Variants in MSRB2 observed in about 807,000 individuals in gnomAD.
The protein encoded by MSRB2 is methionine-R-sulfoxide reductase B2, mitochondrial.
Under a neutral mutation model 19.0 loss-of-function variants are expected in MSRB2, and 17 were observed. The observed-to-expected ratio is 0.89, with a 90% CI of 0.61 to 1.34. The LOEUF (loss-of-function observed/expected upper bound fraction) is 1.34. MSRB2 is among the 40% of genes most tolerant of loss of function. The pLI is 0.00. For missense variants in MSRB2, 208 were observed against 237.6 expected (o/e 0.88, Z 0.82); for synonymous variants, 107 against 99.7 (o/e 1.07, Z -0.44).
At chr10:23,107,881 C>T (rs963007431) in intron 2 of MSRB2, among the ~76,000 whole-genome samples, 1 of 151,974 alleles carries the variant, frequency 6.6e-6, no homozygotes, top group Non-Finnish European at 1.5e-5. Flanking sequence ...GGGAGGGAAA[C>T]ATCAGGAAGC....
chr10:23,101,642 C>A (rs1839927680), intron 1 of MSRB2, among the ~76,000 whole-genome samples: 1 of 152,140 alleles, frequency 6.6e-6, no homozygotes, highest in African/African-American at 2.4e-5. Flanking sequence ...AGGTTTAAAA[C>A]ACTCATTGCA....
intron 3 of MSRB2, among the ~76,000 whole-genome samples, chr10:23,118,615 A>G (rs1325686360): frequency 6.6e-6 from 1 of 152,106 alleles, no homozygotes; most frequent in Non-Finnish European, 1.5e-5. Context: ...CGTATTAATT[A>G]ATACTAATCA....
intron 1 of MSRB2, among the ~76,000 whole-genome samples, chr10:23,101,476 G>A (rs1010047073): frequency 6.6e-6 from 1 of 152,208 alleles, no homozygotes; most frequent in African/African-American, 2.4e-5. Context: ...AAACGTGTGT[G>A]CAGGTATCTT....
chr10:23,118,223 G>C (rs1840134380), intron 3 of MSRB2, among the ~76,000 whole-genome samples: 2 of 152,064 alleles, frequency 1.3e-5, no homozygotes, highest in African/African-American at 4.8e-5. Flanking sequence ...TTTGAGAATT[G>C]CTGCATTACA....
At chr10:23,120,721 T>C (rs1840172094) in intron 4 of MSRB2, 37 bp from the exon 5 acceptor site, 1 of 1,536,886 alleles carries the variant, frequency 6.5e-7, no homozygotes, top group Admixed American at 1.8e-5. Context: ...GAGCTTTGTT[T>C]GCATTTGGAG....
chr10:23,120,243 A>C (rs531808361), intron 4 of MSRB2, among the ~76,000 whole-genome samples: 6 of 152,348 alleles, frequency 3.9e-5, no homozygotes, highest in Admixed American at 3.9e-4. Flanking sequence ...TGAGCCCCGT[A>C]GGAGAGAGTG....
chr10:23,119,314 A>C lies in MSRB2; in HGVS notation c.307A>C (p.Lys103Gln), dbSNP rs199642000. ...CDSPLFSSEKKYCSGTGWPSF... is the reference protein window; with the variant it reads ...CDSPLFSSEKQYCSGTGWPSF... ...TTATGTCTTCCACAGTTCTGAGAAAAAGTACTGCTCTGGCACTGGGTGGCC... is the reference window on the plus strand; with the variant it reads ...TTATGTCTTCCACAGTTCTGAGAAACAGTACTGCTCTGGCACTGGGTGGCC... The change falls in exon 4 of 5, where the codon AAG (lysine) becomes CAG (glutamine). Residue 103 changes from lysine (K) to glutamine (Q), a missense_variant. Lys to Gln is a moderately conservative substitution (Grantham distance 53). Coordinates refer to ENST00000376510, the MANE Select transcript of MSRB2 (RefSeq NM_012228.4). 1.7e-3 allele frequency: 2,718 copies of C among 1,613,962 alleles called. 48 individuals are homozygous for C. In the South Asian group the frequency reaches 0.02, roughly 12 times the overall value.
chr10:23,110,126 T>C (rs912154640), intron 2 of MSRB2, 116 bp from the exon 3 acceptor site: 2 of 748,320 alleles, frequency 2.7e-6, no homozygotes, highest in African/African-American at 1.8e-5. Context: ...TTGCACTTCG[T>C]CAAATTAGTA....
At chr10:23,107,475 G>A (rs1839996649) in intron 2 of MSRB2, among the ~76,000 whole-genome samples, 1 of 152,116 alleles carries the variant, frequency 6.6e-6, no homozygotes, top group African/African-American at 2.4e-5. Flanking sequence ...CTTAGTGTTG[G>A]CATTTTTCTA....
rs1031445178 is a variant in MSRB2, at chr10:23,120,621, C to T, written c.445-137C>T. 1.3e-4 allele frequency: 71 copies of T among 545,692 alleles called. 1 individual carries two copies. The South Asian group carries it at 2.0e-3, about 15-fold the overall frequency. 33.8% of individuals were successfully genotyped at this position (545,692 alleles called of 1,614,324 possible). A position where few individuals can be genotyped will look rare whatever the true frequency, so the allele number is the denominator to read the frequency against. ...CTTTCTTTCATTTCTTAATTGAATT[C>T]GGATGCAATAGACTTTTTCTCCTAA... is the stretch of plus-strand genomic sequence containing the variant. On this transcript the variant is annotated intron_variant, in intron 4 of 4. Coordinates refer to ENST00000376510, the MANE Select transcript of MSRB2 (RefSeq NM_012228.4).
intron 3 of MSRB2, among the ~76,000 whole-genome samples, chr10:23,117,445 C>T (rs1323444105): frequency 6.6e-6 from 1 of 152,086 alleles, no homozygotes; most frequent in Non-Finnish European, 1.5e-5. Flanking sequence ...TGTTAAAGAG[C>T]CTTGCAAAAT....
At chr10:23,098,184 A>G (rs1422966478) in intron 1 of MSRB2, among the ~76,000 whole-genome samples, 3 of 152,208 alleles carry the variant, frequency 2.0e-5, no homozygotes, top group Non-Finnish European at 2.9e-5. Flanking sequence ...GATTCTTTTA[A>G]TACCAGTTTC....
rs187959150 is a variant in MSRB2 at position 23,102,977 on chromosome 10, C to G, written c.119-1167C>G. On this transcript the variant is annotated intron_variant, in intron 1 of 4. Coordinates refer to ENST00000376510, the MANE Select transcript of MSRB2 (RefSeq NM_012228.4). ...CTATTTTCATAGCAAAAAGAAACCC[C>G]TGTAGTCTTATAAAGATTGTATTTA... Among the ~76,000 whole-genome samples, 393 of 152,206 alleles carry G rather than the reference C, an allele frequency of 2.6e-3. 1 individual carries two copies. The highest frequency in any genetic ancestry group is 7.5e-3 in the African/African-American group (310 of 41,548).
intron 3 of MSRB2, among the ~76,000 whole-genome samples, chr10:23,115,877 A>ATAAT (rs1417349080): frequency 6.6e-6 from 1 of 152,192 alleles, no homozygotes; most frequent in African/African-American, 2.4e-5. Flanking sequence ...TATTGTATTC[A>ATAAT]TAATTCTCAA....
chr10:23,101,228 C>G (rs971899760), intron 1 of MSRB2, among the ~76,000 whole-genome samples: 1 of 152,172 alleles, frequency 6.6e-6, no homozygotes, highest in Non-Finnish European at 1.5e-5. Flanking sequence ...CCTCATAGCT[C>G]AGCTCCCACT....
intron 2 of MSRB2, among the ~76,000 whole-genome samples, chr10:23,108,626 C>T (rs1289412454): frequency 6.6e-6 from 1 of 151,918 alleles, no homozygotes. Context: ...CAGGCGTGCT[C>T]CACCATGCCT....
chr10:23,098,839 A>G (rs1839895505), intron 1 of MSRB2, among the ~76,000 whole-genome samples: 1 of 152,208 alleles, frequency 6.6e-6, no homozygotes, highest in South Asian at 2.1e-4. Flanking sequence ...TAGGGATCCC[A>G]TAACAAAATA....
chr10:23,108,839 G>A (rs977381878), intron 2 of MSRB2, among the ~76,000 whole-genome samples: 3 of 152,206 alleles, frequency 2.0e-5, no homozygotes, highest in South Asian at 2.1e-4. Context: ...TGAGGGGACC[G>A]GCCATAAAGG....
intron 4 of MSRB2, 152 bp downstream of exon 4, chr10:23,119,603 TG>T: frequency 1.1e-6 from 1 of 920,486 alleles, no homozygotes. Flanking sequence ...TGCTTTGTTT[TG>T]TTTTGTTTTG....
Sources: allele counts gnomAD v4.1 joint callset (sites outside exome capture counted in the v4.1 genomes callset), GRCh38; gene constraint gnomAD v4.1.1; transcripts MANE v1.5; gene names NCBI Gene and HGNC (gene_info 2026-07-23, HGNC 2026-07-21).